RXRA: variants seen among roughly 807,000 people sequenced by gnomAD.
RXRA encodes the protein retinoid X receptor alpha, also known as retinoic acid receptor RXR-alpha.
Under a neutral mutation model 44.5 loss-of-function variants are expected in RXRA, and 5 were observed. That is an observed-to-expected ratio of 0.11 (90% CI 0.06 to 0.24). The LOEUF (loss-of-function observed/expected upper bound fraction) is 0.24. RXRA is among the 10% of genes least tolerant of loss of function. The pLI is 1.00. For missense variants in RXRA, 412 were observed against 646.5 expected (o/e 0.64, Z 3.93); for synonymous variants, 291 against 271.4 (o/e 1.07, Z -0.71).
At chr9:134,386,036 G>A (rs1830714983) in intron 1 of RXRA, among the ~76,000 whole-genome samples, 2 of 152,256 alleles carry the variant, frequency 1.3e-5, no homozygotes, top group African/African-American at 4.8e-5. Flanking sequence ...TTTGGCCAAT[G>A]GCAGCCGCCT....
intron 1 of RXRA, among the ~76,000 whole-genome samples, chr9:134,359,470 C>T (rs1003706994): frequency 5.9e-5 from 9 of 152,146 alleles, no homozygotes; most frequent in South Asian, 2.1e-4. Context: ...CCACCGGGTG[C>T]GCCCTCACCT....
chr9:134,391,162 A>C (rs73554192), intron 1 of RXRA, among the ~76,000 whole-genome samples: 16,541 of 152,236 alleles, frequency 0.11, 3,016 homozygotes, highest in African/African-American at 0.37. Context: ...GCCCCAGGAC[A>C]TGCCTGGGGG....
At chr9:134,333,138 T>C (rs560529287) in intron 1 of RXRA, among the ~76,000 whole-genome samples, 95 of 152,248 alleles carry the variant, frequency 6.2e-4, no homozygotes, top group African/African-American at 2.1e-3. Context: ...GGGACCAGAC[T>C]TTGGGGCTGG....
At chr9:134,418,576 G>T (rs753932693) in intron 5 of RXRA, among the ~76,000 whole-genome samples, 1 of 152,196 alleles carries the variant, frequency 6.6e-6, no homozygotes, top group Non-Finnish European at 1.5e-5. Context: ...AGCTCACGTG[G>T]CCTGGAACTG....
intron 1 of RXRA, among the ~76,000 whole-genome samples, chr9:134,360,364 G>A (rs890981487): frequency 6.6e-6 from 1 of 152,226 alleles, no homozygotes; most frequent in East Asian, 1.9e-4. Flanking sequence ...GGTCACGGGA[G>A]CCTGCCGTGC....
At chr9:134,378,425 C>T (rs1393942419) in intron 1 of RXRA, among the ~76,000 whole-genome samples, 1 of 152,222 alleles carries the variant, frequency 6.6e-6, no homozygotes, top group Non-Finnish European at 1.5e-5. Flanking sequence ...TGGCCATCTG[C>T]CTCCAGAACG....
intron 7 of RXRA, 77 bp downstream of exon 7, chr9:134,429,317 C>G: frequency 6.9e-7 from 1 of 1,439,400 alleles, no homozygotes; most frequent in Admixed American, 1.8e-5. Flanking sequence ...GCCACCTTGG[C>G]CCCGGTGCAC....
chr9:134,389,330 C>A (rs144079290), intron 1 of RXRA, among the ~76,000 whole-genome samples: 199 of 152,238 alleles, frequency 1.3e-3, no homozygotes, highest in African/African-American at 4.6e-3. Context: ...GAGAAGTGGA[C>A]GTTGGTGAGG....
At chr9:134,436,345 T>C in intron 9 of RXRA, 122 bp from the exon 10 acceptor site, 1 of 990,736 alleles carries the variant, frequency 1.0e-6, no homozygotes, top group Admixed American at 2.2e-5. Flanking sequence ...GATTCAGGGC[T>C]ACAGACCAGC....
intron 1 of RXRA, among the ~76,000 whole-genome samples, chr9:134,364,358 C>T (rs1360852098): frequency 2.0e-5 from 3 of 152,234 alleles, no homozygotes; most frequent in African/African-American, 4.8e-5. Flanking sequence ...ATTAAATGGC[C>T]TCCACCCCAG....
At chr9:134,356,331 G>A (rs1830282922) in intron 1 of RXRA, among the ~76,000 whole-genome samples, 1 of 152,270 alleles carries the variant, frequency 6.6e-6, no homozygotes, top group Middle Eastern at 3.4e-3. Flanking sequence ...GGTAAAAAGC[G>A]GGGAAGAGTT....
intron 1 of RXRA, among the ~76,000 whole-genome samples, chr9:134,335,861 G>C (rs1221601271): frequency 6.6e-6 from 1 of 152,150 alleles, no homozygotes. Context: ...GTCTGTCCCT[G>C]TAGTGCCCTG....
chr9:134,418,842 C>T (rs992049143), intron 5 of RXRA, among the ~76,000 whole-genome samples: 7 of 152,210 alleles, frequency 4.6e-5, no homozygotes, highest in South Asian at 2.1e-4. Flanking sequence ...TCAAGGACAG[C>T]GACCCCACCC....
intron 1 of RXRA, among the ~76,000 whole-genome samples, chr9:134,378,381 T>C (rs1830591392): frequency 2.6e-5 from 2 of 77,406 alleles, no homozygotes; most frequent in Non-Finnish European, 6.8e-5. Flanking sequence ...TCCTTACCAC[T>C]GTGTGGTTTA....
In RXRA at chr9:134,366,226, G is replaced by GA. The variant is rs1334092317; in HGVS notation, c.29-35405dup. Among the ~76,000 whole-genome samples, 1 of 152,160 alleles carries GA rather than the reference G, an allele frequency of 6.6e-6. No individual in the cohort carries two copies. The highest frequency in any genetic ancestry group is 2.4e-5 in the African/African-American group (1 of 41,446). ...GTTCTGGGCTGTGTGTGGGGCCAGG[G>GA]AGGGTGTCTTCAGCACAGGTGCCCG... On this transcript the variant is annotated intron_variant, in intron 1 of 9. Coordinates refer to ENST00000481739, the MANE Select transcript of RXRA (RefSeq NM_002957.6). This position sits in a 1 kb window ranked among gnomAD's most constrained non-coding sequence, Gnocchi z 5.9.
At chr9:134,420,175 C>T (rs1018868183) in intron 5 of RXRA, among the ~76,000 whole-genome samples, 3 of 152,238 alleles carry the variant, frequency 2.0e-5, no homozygotes, top group South Asian at 2.1e-4. Flanking sequence ...CATATCCCCC[C>T]GCCCCTGCCA....
At position 134,421,667 on chromosome 9, in the gene RXRA, C is replaced by T. The variant is rs768032037; in HGVS notation, c.781-9C>T. 6.4e-7 allele frequency: 1 copy of T among 1,556,834 alleles called. No homozygotes were observed. Among genetic ancestry groups the T allele is most frequent in the Non-Finnish European group, 8.7e-7 (1 of 1,146,598 alleles). ...GACTGAATGTCCTGCTCTTCTTCCT[C>T]CACTGCAGCCGAACGACCCTGTCAC... On this transcript the variant is annotated splice_polypyrimidine_tract_variant and intron_variant, in intron 5 of 9. Coordinates refer to ENST00000481739, the MANE Select transcript of RXRA (RefSeq NM_002957.6).
chr9:134,409,859 G>C (rs1831119755), intron 4 of RXRA, among the ~76,000 whole-genome samples: 1 of 152,180 alleles, frequency 6.6e-6, no homozygotes, highest in Non-Finnish European at 1.5e-5. Context: ...GGGAGGTGCT[G>C]TCTGGGGTGA....
chr9:134,371,381 G>C (rs1830489435), intron 1 of RXRA, among the ~76,000 whole-genome samples: 1 of 152,224 alleles, frequency 6.6e-6, no homozygotes, highest in Non-Finnish European at 1.5e-5. Flanking sequence ...TGTTCATTCA[G>C]GCAGGGCCAG....
Sources: allele counts gnomAD v4.1 joint callset (sites outside exome capture counted in the v4.1 genomes callset), GRCh38; gene constraint gnomAD v4.1.1; non-coding constraint Gnocchi (gnomAD v3.1); transcripts MANE v1.5; gene names NCBI Gene and HGNC (gene_info 2026-07-23, HGNC 2026-07-21).